AGMO: variants seen among roughly 807,000 people sequenced by gnomAD.
AGMO encodes glyceryl-ether monooxygenase.
Under a neutral mutation model 60.2 loss-of-function variants are expected in AGMO, and 75 were observed. The observed-to-expected ratio is 1.25, with a 90% CI of 1.03 to 1.51. The LOEUF is 1.51. Among genes scored for constraint, AGMO ranks in the 40% most tolerant of loss-of-function variants. The pLI, the probability that AGMO is intolerant of heterozygous loss-of-function variation, is 0.00. For missense variants in AGMO, 763 were observed against 525.5 expected, an observed-to-expected ratio of 1.45 and a Z score of -4.42; for synonymous variants, 261 against 177.1, an observed-to-expected ratio of 1.47 and a Z score of -3.76.
intron 12 of AGMO, among the ~76,000 whole-genome samples, chr7:15,314,575 TG>T (rs1357090622): frequency 2.6e-5 from 4 of 152,192 alleles, no homozygotes; most frequent in African/African-American, 9.7e-5. Context: ...TTTAGTTCAC[TG>T]GAACACTGCA....
intron 12 of AGMO, among the ~76,000 whole-genome samples, chr7:15,241,459 CA>C (rs61727790): frequency 0.012 from 627 of 51,312 alleles, 1 homozygote; most frequent in African/African-American, 0.049. Context: ...GACTCCGTCT[CA>C]AAAAAAAAAA....
intron 12 of AGMO, among the ~76,000 whole-genome samples, chr7:15,277,668 A>T (rs1239007819): frequency 6.6e-6 from 1 of 152,006 alleles, no homozygotes; most frequent in Non-Finnish European, 1.5e-5. Context: ...TGTGCAGTTC[A>T]ATCTATAGGC....
intron 12 of AGMO, among the ~76,000 whole-genome samples, chr7:15,293,952 C>T (rs187344348): frequency 1.8e-3 from 273 of 152,126 alleles, no homozygotes; most frequent in African/African-American, 5.8e-3. Flanking sequence ...TTGAATTTAA[C>T]AGAAGGTCTA....
chr7:15,556,919 A>C (rs1785158931), intron 2 of AGMO, among the ~76,000 whole-genome samples: 1 of 152,042 alleles, frequency 6.6e-6, no homozygotes, highest in African/African-American at 2.4e-5. Context: ...AAACAGATGT[A>C]AGCCTGTCCA....
intron 12 of AGMO, among the ~76,000 whole-genome samples, chr7:15,340,358 T>G (rs147622221): frequency 1.1e-3 from 173 of 152,318 alleles, no homozygotes; most frequent in African/African-American, 3.4e-3. Flanking sequence ...AATTTTTGAC[T>G]TAGGGATGCT....
At chr7:15,537,416 G>C (rs1055735344) in intron 3 of AGMO, among the ~76,000 whole-genome samples, 1 of 151,982 alleles carries the variant, frequency 6.6e-6, no homozygotes, top group Non-Finnish European at 1.5e-5. Context: ...AAGACTAAAA[G>C]AAAAACACGG....
chr7:15,281,867 C>G (rs1783976053), intron 12 of AGMO, among the ~76,000 whole-genome samples: 1 of 152,112 alleles, frequency 6.6e-6, no homozygotes, highest in Non-Finnish European at 1.5e-5. Flanking sequence ...ATTCCAACCT[C>G]ACAGGAGACA....
intron 10 of AGMO, among the ~76,000 whole-genome samples, chr7:15,383,836 G>C (rs566502172): frequency 4.4e-4 from 67 of 151,944 alleles, no homozygotes; most frequent in Admixed American, 3.3e-3. Context: ...GGCTTTTTCA[G>C]AGTTCTTCAT....
intron 12 of AGMO, among the ~76,000 whole-genome samples, chr7:15,286,801 T>C (rs866837831): frequency 6.6e-6 from 1 of 152,110 alleles, no homozygotes; most frequent in Non-Finnish European, 1.5e-5. Flanking sequence ...CAATTCACAA[T>C]TGCAAAGATA....
At chr7:15,346,017 A>T (rs1782019615) in intron 12 of AGMO, among the ~76,000 whole-genome samples, 1 of 152,120 alleles carries the variant, frequency 6.6e-6, no homozygotes, top group Non-Finnish European at 1.5e-5. Context: ...ATAGCTGAAC[A>T]TTTTCCTTTT....
At chr7:15,363,985 T>C (rs1488742531) in intron 12 of AGMO, among the ~76,000 whole-genome samples, 1 of 152,078 alleles carries the variant, frequency 6.6e-6, no homozygotes, top group East Asian at 1.9e-4. Flanking sequence ...TAATTTATGA[T>C]TATTTTGCTT....
intron 12 of AGMO, among the ~76,000 whole-genome samples, chr7:15,206,559 T>A (rs1263632111): frequency 6.6e-6 from 1 of 152,084 alleles, no homozygotes; most frequent in Non-Finnish European, 1.5e-5. Context: ...TTACATTAGT[T>A]TATAAATATA....
intron 3 of AGMO, among the ~76,000 whole-genome samples, chr7:15,445,186 T>A (rs1781665469): frequency 1.3e-5 from 2 of 152,168 alleles, no homozygotes; most frequent in Non-Finnish European, 2.9e-5. Context: ...AAGAAAACTA[T>A]GAAGAGAAAT....
At chr7:15,551,393 C>G (rs1340040794) in intron 2 of AGMO, among the ~76,000 whole-genome samples, 1 of 145,030 alleles carries the variant, frequency 6.9e-6, no homozygotes, top group Non-Finnish European at 1.5e-5. Context: ...TGTTTGCAGA[C>G]GACATGATTG....
chr7:15,516,537 A>G (rs909514553), intron 3 of AGMO, among the ~76,000 whole-genome samples: 10 of 152,250 alleles, frequency 6.6e-5, no homozygotes, highest in Non-Finnish European at 1.2e-4. Flanking sequence ...AAAACCTTAA[A>G]AAAGTCGGAT....
chr7:15,416,507 T>G (rs925069613), intron 5 of AGMO, among the ~76,000 whole-genome samples: 1 of 152,192 alleles, frequency 6.6e-6, no homozygotes, highest in African/African-American at 2.4e-5. Flanking sequence ...TGAATCTTCT[T>G]CACTTTCAAA....
chr7:15,431,764 G>T (rs554585333), intron 3 of AGMO, among the ~76,000 whole-genome samples: 9 of 151,604 alleles, frequency 5.9e-5, no homozygotes, highest in Non-Finnish European at 1.0e-4. Flanking sequence ...AGTTTTATCT[G>T]TGTTCATAAA....
intron 12 of AGMO, among the ~76,000 whole-genome samples, chr7:15,243,461 GA>G (rs1782651143): frequency 6.6e-6 from 1 of 152,008 alleles, no homozygotes; most frequent in South Asian, 2.1e-4. Flanking sequence ...CTCTGTTTGG[GA>G]ATTGGAAGAA....
chr7:15,485,575 C>CTTTGCAACCCATTTCT (rs1348568575), intron 3 of AGMO, among the ~76,000 whole-genome samples: 3 of 152,130 alleles, frequency 2.0e-5, no homozygotes, highest in Non-Finnish European at 4.4e-5. Context: ...AACAAATGCA[C>CTTTGCAACCCATTTCT]TTTGCAACCC....
Sources: allele counts gnomAD v4.1 joint callset (sites outside exome capture counted in the v4.1 genomes callset), GRCh38; gene constraint gnomAD v4.1.1; transcripts MANE v1.5; gene names NCBI Gene and HGNC (gene_info 2026-07-23, HGNC 2026-07-21).